Variants in RANBP2 observed in about 807,000 individuals in gnomAD.
RANBP2 encodes E3 SUMO-protein ligase RanBP2.
RANBP2 carries 57 observed loss-of-function variants against 303.6 expected under a neutral mutation model. The observed-to-expected ratio is 0.19, with a 90% CI of 0.15 to 0.23. The LOEUF is 0.23. Ranked by LOEUF, RANBP2 falls within the 10% of genes least tolerant of loss-of-function variation. The pLI is 1.00. For missense variants in RANBP2, 3,138 were observed against 3,780.8 expected (o/e 0.83, Z 4.46); for synonymous variants, 1,167 against 1,301.5 (o/e 0.90, Z 2.23).
At chr2:109,292,115 A>G in the RANBP2 span, among the ~76,000 whole-genome samples, 1 of 152,186 alleles carries the variant, frequency 6.6e-6, no homozygotes, top group South Asian at 2.1e-4. Flanking sequence ...TGCCCGCCTC[A>G]GCCTCCCAAA....
chr2:108,864,991 A>C, the RANBP2 span, among the ~76,000 whole-genome samples: 3 of 151,982 alleles, frequency 2.0e-5, no homozygotes, highest in African/African-American at 4.8e-5. Context: ...ACATTCACAT[A>C]TCTCATAATT....
chr2:109,484,152 T>C, the RANBP2 span, among the ~76,000 whole-genome samples: 2 of 151,608 alleles, frequency 1.3e-5, no homozygotes, highest in Non-Finnish European at 2.9e-5. Context: ...CTGCAACCTC[T>C]GCCTTCTGGG....
At chr2:109,406,422 C>T in the RANBP2 span, among the ~76,000 whole-genome samples, 1 of 152,104 alleles carries the variant, frequency 6.6e-6, no homozygotes, top group African/African-American at 2.4e-5. Context: ...CTGAGAGCAG[C>T]TATATCACGT....
At chr2:109,512,356 C>A in the RANBP2 span, among the ~76,000 whole-genome samples, 205 of 152,212 alleles carry the variant, frequency 1.3e-3, no homozygotes, top group African/African-American at 4.8e-3. Context: ...GCCCAGCAAA[C>A]CACCTGATGT....
chr2:108,762,976 A>G (rs534046318), intron 19 of RANBP2, among the ~76,000 whole-genome samples: 1 of 152,164 alleles, frequency 6.6e-6, no homozygotes, highest in Non-Finnish European at 1.5e-5. Flanking sequence ...TAACCTACTT[A>G]TGCCTAGTGC....
the RANBP2 span, among the ~76,000 whole-genome samples, chr2:109,410,445 G>A: frequency 6.6e-6 from 1 of 152,234 alleles, no homozygotes; most frequent in South Asian, 2.1e-4. Flanking sequence ...CCAGGGGGCA[G>A]CATCAGCGTG....
chr2:109,403,417 T>C, the RANBP2 span, among the ~76,000 whole-genome samples: 1 of 152,220 alleles, frequency 6.6e-6, no homozygotes, highest in Non-Finnish European at 1.5e-5. Context: ...ACTTCAGAGA[T>C]GAGGAAGCCG....
At chr2:109,136,755 G>C in the RANBP2 span, among the ~76,000 whole-genome samples, 1 of 152,200 alleles carries the variant, frequency 6.6e-6, no homozygotes, top group Admixed American at 6.5e-5. Context: ...AGGCTCACAT[G>C]AATTTATGTG....
At chr2:109,292,107 C>A in the RANBP2 span, among the ~76,000 whole-genome samples, 1 of 152,218 alleles carries the variant, frequency 6.6e-6, no homozygotes, top group Non-Finnish European at 1.5e-5. Context: ...TCGTGATCTG[C>A]CCGCCTCAGC....
the RANBP2 span, among the ~76,000 whole-genome samples, chr2:108,920,374 C>A: frequency 9.2e-5 from 14 of 152,340 alleles, no homozygotes; most frequent in African/African-American, 3.4e-4. Flanking sequence ...TACGGCAGGG[C>A]AACGGGTTGA....
chr2:109,274,391 A>G, the RANBP2 span, among the ~76,000 whole-genome samples: 6 of 152,258 alleles, frequency 3.9e-5, no homozygotes, highest in African/African-American at 9.6e-5. Context: ...CCAAGTGTCT[A>G]TCAGTGGATG....
the RANBP2 span, among the ~76,000 whole-genome samples, chr2:109,370,618 C>T: frequency 6.6e-6 from 1 of 152,084 alleles, no homozygotes; most frequent in Non-Finnish European, 1.5e-5. Context: ...ACTGTGAGTC[C>T]CCATCTCTCC....
At chr2:108,953,705 G>A in the RANBP2 span, among the ~76,000 whole-genome samples, 2 of 152,098 alleles carry the variant, frequency 1.3e-5, no homozygotes, top group Non-Finnish European at 2.9e-5. Flanking sequence ...AGGTAGCTAT[G>A]TGAACAAGGA....
chr2:108,763,124 T>C, intron 19 of RANBP2, 113 bp from the exon 20 acceptor site: 2 of 1,206,844 alleles, frequency 1.7e-6, no homozygotes, highest in South Asian at 2.6e-5. Flanking sequence ...CATCCCCTAA[T>C]GAGATCTTCT....
the RANBP2 span, among the ~76,000 whole-genome samples, chr2:109,135,088 G>A: frequency 4.4e-3 from 669 of 152,314 alleles, 4 homozygotes; most frequent in Non-Finnish European, 7.3e-3. Context: ...AATAGAGGCC[G>A]TGGCTTCAGG....
the RANBP2 span, among the ~76,000 whole-genome samples, chr2:108,913,210 A>G: frequency 9.3e-3 from 1,420 of 152,114 alleles, 26 homozygotes; most frequent in African/African-American, 0.032. Context: ...CGGCCTCCCA[A>G]AGTGCTGGGA....
rs186228982 is a variant in RANBP2 at position 108,754,765 on chromosome 2, C to G, written c.2203-140C>G. On this transcript the variant is annotated intron_variant, in intron 15 of 28. Coordinates refer to ENST00000283195, the MANE Select transcript of RANBP2 (RefSeq NM_006267.5). ...AAAGAAAAAAGATAATTAAAAAACA[C>G]TTTCACGTGTATTATTTAAAGTGTA... 23 of 1,239,136 alleles carry G rather than the reference C, an allele frequency of 1.9e-5. No individual in the cohort carries two copies. In the East Asian group the frequency reaches 4.0e-4, roughly 21 times the overall value. The allele number at this position is 1,239,136 out of a possible 1,614,324, so 76.8% of individuals were successfully genotyped here. A position where few individuals can be genotyped will look rare whatever the true frequency, so the allele number is the denominator to read the frequency against.
At chr2:108,735,502 T>C in intron 4 of RANBP2, 30 bp from the exon 5 acceptor site, 2 of 1,597,490 alleles carry the variant, frequency 1.3e-6, no homozygotes, top group Non-Finnish European at 8.5e-7. Flanking sequence ...AGTGTTACTC[T>C]AATAATTTTT....
the RANBP2 span, among the ~76,000 whole-genome samples, chr2:109,418,426 C>T: frequency 2.1e-4 from 32 of 152,128 alleles, no homozygotes; most frequent in African/African-American, 7.2e-4. Flanking sequence ...TTGGTTCCTC[C>T]TGAGGCTGAG....
Sources: allele counts gnomAD v4.1 joint callset (sites outside exome capture counted in the v4.1 genomes callset), GRCh38; gene constraint gnomAD v4.1.1; transcripts MANE v1.5; gene names NCBI Gene and HGNC (gene_info 2026-07-23, HGNC 2026-07-21).